Variants in RGPD8 observed in about 807,000 individuals in gnomAD.
RGPD8 encodes the protein RANBP2-like and GRIP domain-containing protein 8.
RGPD8 carries 15 observed loss-of-function variants against 89.1 expected under a neutral mutation model. That is an observed-to-expected ratio of 0.17 (90% CI 0.11 to 0.26). The LOEUF (loss-of-function observed/expected upper bound fraction) is 0.26, where lower values mean the gene tolerates loss of function less well. RGPD8 is among the 10% of genes least tolerant of loss of function. RGPD8 has a pLI of 1.00. For synonymous variants in RGPD8, 62 were observed against 420.9 expected (o/e 0.15, Z 10.44); for missense variants, 178 against 1,179.6 (o/e 0.15, Z 12.44).
At chr2:112,426,099 C>T (rs1051858945) in intron 1 of RGPD8, among the ~76,000 whole-genome samples, 2 of 151,960 alleles carry the variant, frequency 1.3e-5, no homozygotes, top group African/African-American at 4.8e-5. Flanking sequence ...ATCTCAGCAA[C>T]CCCAGTATAT....
chr2:112,426,313 C>T lies in RGPD8; in HGVS notation c.73-2006G>A, dbSNP rs533760387. On this transcript the variant is annotated intron_variant, in intron 1 of 22. Transcript: ENST00000302558. ...ACTGAGGTGGCTAGTATGTAACTAG[C>T]GGGTGGGGAGCACATACAGCATGAA... Among the ~76,000 whole-genome samples, 58 of 152,058 alleles carry T rather than the reference C, an allele frequency of 3.8e-4. 1 individual carries two copies. The highest frequency in any genetic ancestry group is 2.9e-3 in the Admixed American group (45 of 15,272).
chr2:112,408,945 T>C (rs1036006634), intron 7 of RGPD8, among the ~76,000 whole-genome samples: 2 of 150,818 alleles, frequency 1.3e-5, no homozygotes, highest in African/African-American at 2.5e-5. Flanking sequence ...GTGCTAAGAT[T>C]ATAGGTGTGA....
At chr2:112,419,616 G>A (rs1455783892) in intron 4 of RGPD8, among the ~76,000 whole-genome samples, 2 of 152,260 alleles carry the variant, frequency 1.3e-5, no homozygotes, top group African/African-American at 4.8e-5. Context: ...TCTGATACAG[G>A]AAAGGTGTAA....
chr2:112,414,663 G>C (rs1429172275), intron 6 of RGPD8, among the ~76,000 whole-genome samples: 3 of 62,598 alleles, frequency 4.8e-5, no homozygotes. Context: ...GGCGGATCAC[G>C]AGGTCAAGAG....
At chr2:112,423,608 G>A (rs1385817532) in intron 2 of RGPD8, among the ~76,000 whole-genome samples, 1 of 139,696 alleles carries the variant, frequency 7.2e-6, no homozygotes, top group Non-Finnish European at 1.5e-5. Context: ...GGGCGCTGAG[G>A]TGGGAAGATC....
chr2:112,411,889 C>CA (rs1409488484), intron 7 of RGPD8, among the ~76,000 whole-genome samples: 3 of 2,516 alleles, frequency 1.2e-3, no homozygotes, highest in East Asian at 0.012. Flanking sequence ...GACTTGGTCT[C>CA]AAAAAAAATA....
chr2:112,380,650 C>A (rs1376979589), intron 21 of RGPD8, among the ~76,000 whole-genome samples, 174 bp downstream of exon 21: 198 of 109,360 alleles, frequency 1.8e-3, no homozygotes, highest in East Asian at 2.4e-3. Flanking sequence ...AAGACTGTCT[C>A]AAAAAAAAAA....
intron 1 of RGPD8, among the ~76,000 whole-genome samples, chr2:112,431,123 G>A (rs1162876431): frequency 6.6e-6 from 1 of 152,098 alleles, no homozygotes; most frequent in Non-Finnish European, 1.5e-5. Flanking sequence ...AGCGGGTGTG[G>A]TGGGTACACC....
chr2:112,427,918 CA>C (rs1679843211), intron 1 of RGPD8, among the ~76,000 whole-genome samples: 1 of 151,882 alleles, frequency 6.6e-6, no homozygotes, highest in Non-Finnish European at 1.5e-5. Flanking sequence ...GCAGAACAAA[CA>C]AAAGAGGAGA....
intron 6 of RGPD8, among the ~76,000 whole-genome samples, chr2:112,416,073 A>G (rs1319346371): frequency 6.8e-6 from 1 of 147,074 alleles, no homozygotes; most frequent in East Asian, 2.0e-4. Context: ...CTGGTGACAG[A>G]GCAAGACTCC....
rs372490367 is a variant in RGPD8, at chr2:112,433,253, A to G, written c.72+129T>C. The G allele has an allele frequency of 3.7e-3, 3,393 of 907,326 alleles. 104 individuals are homozygous for G. In the East Asian group the frequency reaches 0.057, roughly 15 times the overall value. The allele number at this position is 907,326 out of a possible 1,614,324, so 56.2% of individuals were successfully genotyped here. A position where few individuals can be genotyped will look rare whatever the true frequency, so the allele number is the denominator to read the frequency against. ...GCCGGGTGGAGGCCGCCGCCTCAAC[A>G]GAGCGCGCCAGGGAGCAGCGCCCGT... On this transcript the variant is annotated intron_variant, in intron 1 of 22. Coordinates refer to ENST00000302558, the MANE Select transcript of RGPD8 (RefSeq NM_001164463.1).
At chr2:112,415,696 G>C (rs1380238034) in intron 6 of RGPD8, among the ~76,000 whole-genome samples, 2 of 147,864 alleles carry the variant, frequency 1.4e-5, no homozygotes, top group East Asian at 2.0e-4. Flanking sequence ...CTGGGTGACA[G>C]AGCGAGACTC....
intron 1 of RGPD8, among the ~76,000 whole-genome samples, chr2:112,430,460 AAGAC>A (rs1196744349): frequency 5.9e-5 from 9 of 152,008 alleles, no homozygotes; most frequent in Admixed American, 5.9e-4. Context: ...GGGGGAAAAA[AAGAC>A]TCTAAGTGTA....
intron 1 of RGPD8, among the ~76,000 whole-genome samples, chr2:112,431,014 A>T (rs553048116): frequency 8.6e-5 from 13 of 151,954 alleles, no homozygotes; most frequent in African/African-American, 3.1e-4. Context: ...CACTTTGGGA[A>T]GTGGAGGCGG....
chr2:112,372,973 C>T (rs1340151917), intron 22 of RGPD8, among the ~76,000 whole-genome samples: 3 of 139,668 alleles, frequency 2.1e-5, no homozygotes, highest in African/African-American at 9.2e-5. Flanking sequence ...GTATGGTGTA[C>T]AAGTGACAAT....
intron 1 of RGPD8, among the ~76,000 whole-genome samples, chr2:112,431,404 T>A (rs1440918301): frequency 6.6e-6 from 1 of 152,186 alleles, no homozygotes; most frequent in African/African-American, 2.4e-5. Flanking sequence ...TAGATATCTA[T>A]CCTTCTCTGG....
At chr2:112,416,194 T>A (rs1465481532) in intron 6 of RGPD8, among the ~76,000 whole-genome samples, 1 of 152,008 alleles carries the variant, frequency 6.6e-6, no homozygotes, top group Non-Finnish European at 1.5e-5. Context: ...GACCAAAAAA[T>A]TTGAGTATAC....
chr2:112,431,020 G>A (rs1356305399), intron 1 of RGPD8, among the ~76,000 whole-genome samples: 2 of 152,176 alleles, frequency 1.3e-5, no homozygotes, highest in Non-Finnish European at 2.9e-5. Flanking sequence ...GGGAAGTGGA[G>A]GCGGGGAAAT....
In RGPD8 at chr2:112,433,417, C is replaced by T. The variant is rs1269123541; in HGVS notation, c.37G>A (p.Ala13Thr). The T allele has an allele frequency of 1.2e-6, 2 of 1,610,490 alleles. No individual in the cohort carries two copies. Among genetic ancestry groups the T allele is most frequent in the Admixed American group, 1.7e-5 (1 of 59,972 alleles). ...RSKADVERYV[A>T]SVLGLTPSPR... ...GACGGGGTGAGACCCAGCACCGAGG[C>T]GACGTACCGCTCCACATCGGCCTTG... Residue 13 changes from alanine (A) to threonine (T), a missense_variant, in exon 1 of 23, where the codon GCC becomes ACC. Transcript: ENST00000302558.
Sources: gnomAD v4.1 joint callset for allele counts (sites outside exome capture counted in the v4.1 genomes callset) on GRCh38, gnomAD v4.1.1 for gene constraint, MANE v1.5 for transcripts, NCBI Gene and HGNC (gene_info 2026-07-23, HGNC 2026-07-21) for gene names.